The following USF3 variants were observed in gnomAD, a reference collection of about 807,000 sequenced individuals.
The protein encoded by USF3 is upstream transcription factor family member 3, also known as basic helix-loop-helix domain-containing protein USF3.
Under a neutral mutation model 157.5 loss-of-function variants are expected in USF3, and 29 were observed. The ratio of observed to expected loss-of-function variants is 0.18; its 90% confidence interval spans 0.14 to 0.25. USF3 has a LOEUF of 0.25. Ranked by LOEUF, USF3 falls within the 10% of genes least tolerant of loss-of-function variation. The pLI, the probability that USF3 is intolerant of heterozygous loss-of-function variation, is 1.00. For synonymous variants in USF3, 893 were observed against 941.4 expected, an observed-to-expected ratio of 0.95 and a Z score of 0.94; for missense variants, 2,381 against 2,667.6, an observed-to-expected ratio of 0.89 and a Z score of 2.37.
chr3:113,695,845 C>G (rs1159165655), intron 1 of USF3, among the ~76,000 whole-genome samples: 2 of 152,156 alleles, frequency 1.3e-5, no homozygotes, highest in African/African-American at 4.8e-5. Flanking sequence ...ACTCAGAAAG[C>G]AAAAGAACGG....
At chr3:113,677,420 A>G (rs1326639728) in intron 1 of USF3, 23 bp from the exon 2 acceptor site, 1 of 152,122 alleles carries the variant, frequency 6.6e-6, no homozygotes, top group Non-Finnish European at 1.5e-5. Context: ...AAAATCAATG[A>G]ATGTTTATAG....
chr3:113,667,865 A>AAAACAAACAAACAAAC (rs10641398), intron 5 of USF3, among the ~76,000 whole-genome samples: 1 of 150,536 alleles, frequency 6.6e-6, no homozygotes, highest in South Asian at 2.1e-4. Context: ...AGACTGTCTC[A>AAAACAAACAAACAAAC]AAACAAACAA....
rs1378387352 is a variant in USF3, at chr3:113,657,056, G to A, written c.4626C>T (p.His1542=). The change falls in exon 7 of 7, where the codon CAC becomes CAT. Residue 1542 remains histidine (H), a synonymous_variant. Coordinates refer to ENST00000316407, the MANE Select transcript of USF3 (RefSeq NM_001009899.4). The stretch of plus-strand genomic sequence containing the variant: ...TGGATCGGGATTGGTCAGTTCCATG[G>A]TGCTTTGGTTGTAAGGAAAGCTGAG... The part of the protein sequence containing the change: ...QTSQLSLQPK[H]HGTDQSRSKT... 1 of 1,614,126 alleles carries A rather than the reference G, an allele frequency of 6.2e-7. No individual in the cohort carries two copies. Among genetic ancestry groups the A allele is most frequent in the South Asian group, 1.1e-5 (1 of 91,076 alleles).
In USF3 at chr3:113,656,697, C is replaced by A. The variant is rs759650333; in HGVS notation, c.4985G>T (p.Arg1662Ile). Residue 1662 changes from arginine to isoleucine, a missense_variant, in exon 7 of 7, where the codon AGA (arginine) becomes ATA (isoleucine). Arg to Ile is a moderately conservative substitution (Grantham distance 97). Around this residue, in one of 6 missense-constraint regions of USF3, gnomAD observed 770 missense variants for 824.2 expected, o/e 0.93. Coordinates refer to ENST00000316407, the MANE Select transcript of USF3 (RefSeq NM_001009899.4). ...DMTCTPHRPE[R>I]NRVSSYSAEA... is the part of the protein sequence containing the mutation. ...AGCAGAATAACTTGAAACTCTATTT[C>A]TCTCTGGCCTGTGTGGAGTACAGGT... 6.2e-7 allele frequency: 1 copy of A among 1,614,138 alleles called. No individual in the cohort carries two copies. Among genetic ancestry groups the A allele is most frequent in the South Asian group, 1.1e-5 (1 of 91,088 alleles).
At chr3:113,691,700 C>T (rs1707687991) in intron 1 of USF3, among the ~76,000 whole-genome samples, 1 of 152,186 alleles carries the variant, frequency 6.6e-6, no homozygotes. Context: ...ATTATTCTAT[C>T]TCCCTTTCTT....
At position 113,655,301 on chromosome 3, in the gene USF3, G is replaced by A. The variant is rs1367587956; in HGVS notation, c.6381C>T (p.Ile2127=). The change falls in exon 7 of 7, where the codon ATC becomes ATT. Residue 2127 remains isoleucine, a synonymous_variant. Coordinates refer to ENST00000316407, the MANE Select transcript of USF3 (RefSeq NM_001009899.4). ...AGAACATCTGATTAGGAAAATAGGGGATTGAAATATCATTGGACAGTGTAG... is the reference window on the plus strand; with the variant it reads ...AGAACATCTGATTAGGAAAATAGGGAATTGAAATATCATTGGACAGTGTAG... ...AHPTLSNDIS[I]PYFPNQMFSN... is the part of the protein sequence containing the mutation. The A allele has an allele frequency of 1.2e-6, 2 of 1,614,120 alleles. No individual in the cohort carries two copies. Among genetic ancestry groups the A allele is most frequent in the Admixed American group, 3.3e-5 (2 of 60,020 alleles).
Position 113,655,865 on chromosome 3 carries a change from G to C in USF3, c.5817C>G (p.Val1939=). The C allele has an allele frequency of 6.2e-7, 1 of 1,614,152 alleles. No homozygotes were observed. Among genetic ancestry groups the C allele is most frequent in the Non-Finnish European group, 8.5e-7 (1 of 1,180,022 alleles). ...HATKGHMNPP[V]TTNMHGVARP... ...TTGCAACCCCATGCATGTTGGTTGT[G>C]ACTGGAGGGTTCATGTGGCCCTTGG... The change falls in exon 7 of 7, where the codon GTC becomes GTG. Residue 1939 remains valine (V), a synonymous_variant. Coordinates refer to ENST00000316407, the MANE Select transcript of USF3 (RefSeq NM_001009899.4).
intron 1 of USF3, among the ~76,000 whole-genome samples, chr3:113,681,400 A>G (rs2107952092): frequency 6.6e-6 from 1 of 152,036 alleles, no homozygotes; most frequent in Non-Finnish European, 1.5e-5. Context: ...TTTCCTTCTT[A>G]ATTTGTTCAT....
chr3:113,650,336 A>T lies in USF3; in HGVS notation c.*4608T>A, dbSNP rs80340180. 1 of 156,830 alleles carries T rather than the reference A, an allele frequency of 6.4e-6. No individual in the cohort carries two copies. Among genetic ancestry groups the T allele is most frequent in the African/African-American group, 2.4e-5 (1 of 41,474 alleles). The allele number at this position is 156,830 out of a possible 1,614,324, so 9.7% of individuals were successfully genotyped here. On this transcript the variant is annotated 3_prime_UTR_variant, in exon 7 of 7. Transcript: ENST00000316407. ...TTATTGTTGCTTTTTAAGAGAATAC[A>T]AGGCATACTGGTTCCCAAAGCCAAG... is the stretch of plus-strand genomic sequence containing the variant.
chr3:113,652,888 C>T lies in USF3; in HGVS notation c.*2056G>A. On this transcript the variant is annotated 3_prime_UTR_variant, in exon 7 of 7. Coordinates refer to ENST00000316407, the MANE Select transcript of USF3 (RefSeq NM_001009899.4). ...CAAGAATTTGCTTGAACCCAGGAGG[C>T]AGAGGCTGCAGTGAGCCAAGATCCT... 2.7e-6 allele frequency: 1 copy of T among 368,030 alleles called. No individual in the cohort carries two copies. The highest frequency in any genetic ancestry group is 5.0e-6 in the Non-Finnish European group (1 of 201,252). 22.8% of individuals were successfully genotyped at this position (368,030 alleles called of 1,614,324 possible). A position where few individuals can be genotyped will look rare whatever the true frequency, so the allele number is the denominator to read the frequency against.
At position 113,655,827 on chromosome 3, in the gene USF3, G is replaced by C; in HGVS notation, c.5855C>G (p.Pro1952Arg). ...NMHGVARPAL[P>R]HPSVSHGNGD... ...ATTTCCATGAGACACAGATGGATGT[G>C]GCAACGCTGGCCTTGCAACCCCATG... is the stretch of plus-strand genomic sequence containing the variant. Residue 1952 changes from proline to arginine, a missense_variant, in exon 7 of 7, where the codon CCA (proline) becomes CGA (arginine). Physicochemically the swap from Pro to Arg is moderately radical, Grantham distance 103. Transcript: ENST00000316407. 1.9e-6 allele frequency: 3 copies of C among 1,614,154 alleles called. No individual in the cohort carries two copies. Among genetic ancestry groups the C allele is most frequent in the Non-Finnish European group, 1.7e-6 (2 of 1,180,034 alleles).
rs1485338120 is a variant in USF3 at position 113,653,602 on chromosome 3, A to AT, written c.*1341dup. 5 of 136,398 alleles carry AT rather than the reference A, an allele frequency of 3.7e-5. No homozygotes were observed. The highest frequency in any genetic ancestry group is 7.8e-5 in the Non-Finnish European group (5 of 64,398). 8.4% of individuals were successfully genotyped at this position (136,398 alleles called of 1,614,324 possible). A position where few individuals can be genotyped will look rare whatever the true frequency, so the allele number is the denominator to read the frequency against. On this transcript the variant is annotated 3_prime_UTR_variant, in exon 7 of 7. Transcript: ENST00000316407. ...TGGGCAACAGAGCCAGACTCCATCT[A>AT]TTAAAAAAAAAAAAAAAAAAAAAAC...
At chr3:113,676,742 G>A (rs1707292095) in intron 2 of USF3, among the ~76,000 whole-genome samples, 2 of 152,158 alleles carry the variant, frequency 1.3e-5, no homozygotes, top group Admixed American at 1.3e-4. Flanking sequence ...GAGAGAAAAA[G>A]TAGCAAGTAT....
At chr3:113,661,627 A>C (rs995380816) in intron 6 of USF3, among the ~76,000 whole-genome samples, 1 of 152,192 alleles carries the variant, frequency 6.6e-6, no homozygotes, top group African/African-American at 2.4e-5. Context: ...TCCTTTAAAA[A>C]GTATAAATTT....
rs187208829 is a variant in USF3, at chr3:113,657,495, T to C, written c.4187A>G (p.Asp1396Gly). 2.5e-4 allele frequency: 396 copies of C among 1,614,082 alleles called. 3 individuals are homozygous for C. In the African/African-American group the frequency reaches 4.2e-3, roughly 17 times the overall value. ...VVPVSNPAHGDGLTRLFPPSN... is the reference protein window; with the variant it reads ...VVPVSNPAHGGGLTRLFPPSN... Reference sequence around the variant, plus strand: ...AGGTGGAAATAATCGTGTAAGGCCATCTCCATGAGCTGGGTTGCTAACAGG... The same window carrying C: ...AGGTGGAAATAATCGTGTAAGGCCACCTCCATGAGCTGGGTTGCTAACAGG... The change falls in exon 7 of 7, where the codon GAT (aspartate) becomes GGT (glycine). Residue 1396 changes from aspartate (D) to glycine (G), a missense_variant. Asp to Gly is a moderately conservative substitution (Grantham distance 94, BLOSUM62 -1). This residue lies in a region of USF3 where 1,435 missense variants were observed against 1,550.9 expected (regional missense o/e 0.93). Coordinates refer to ENST00000316407, the MANE Select transcript of USF3 (RefSeq NM_001009899.4).
At chr3:113,689,034 A>AAACAAAC (rs1559726047) in intron 1 of USF3, among the ~76,000 whole-genome samples, 179 of 150,278 alleles carry the variant, frequency 1.2e-3, no homozygotes, top group Non-Finnish European at 1.9e-3. Flanking sequence ...CCATCTCAAA[A>AAACAAAC]AAACAAACAA....
intron 4 of USF3, among the ~76,000 whole-genome samples, chr3:113,672,129 CTCTT>C (rs1436278376): frequency 1.3e-5 from 2 of 150,770 alleles, no homozygotes; most frequent in African/African-American, 2.4e-5. Context: ...GTAAACACAT[CTCTT>C]TCTTTTTTTT....
At position 113,656,838 on chromosome 3, in the gene USF3, C is replaced by T; in HGVS notation, c.4844G>A (p.Gly1615Glu). 1 of 1,614,194 alleles carries T rather than the reference C, an allele frequency of 6.2e-7. No individual in the cohort carries two copies. Among genetic ancestry groups the T allele is most frequent in the Non-Finnish European group, 8.5e-7 (1 of 1,180,032 alleles). ...QDVGSRQQGS[G>E]VSSEHVSGHN... Reference sequence around the variant, plus strand: ...GCCAGATACATGTTCAGATGAAACCCCTGAACCTTGCTGTCTGCTTCCAAC... The same window carrying T: ...GCCAGATACATGTTCAGATGAAACCTCTGAACCTTGCTGTCTGCTTCCAAC... Residue 1615 changes from glycine (G) to glutamate (E), a missense_variant, in exon 7 of 7, where the codon GGG becomes GAG. Transcript: ENST00000316407.
chr3:113,673,484 T>C lies in USF3; in HGVS notation c.48-108A>G, dbSNP rs750090394. On this transcript the variant is annotated intron_variant, in intron 3 of 6. Coordinates refer to ENST00000316407, the MANE Select transcript of USF3 (RefSeq NM_001009899.4). ...AATAAATTTTATGAATTTGTATTTG[T>C]TGCAGCAATAAGAAACAATCTGAAG... 5.2e-5 allele frequency: 36 copies of C among 691,884 alleles called. No homozygotes were observed. In the Middle Eastern group the frequency reaches 1.1e-3, roughly 22 times the overall value. The allele number at this position is 691,884 out of a possible 1,614,324, so 42.9% of individuals were successfully genotyped here.
Sources: gnomAD v4.1 joint callset for allele counts (sites outside exome capture counted in the v4.1 genomes callset) on GRCh38, gnomAD v4.1.1 for gene constraint, gnomAD v4.1.1 regional missense constraint, MANE v1.5 for transcripts, NCBI Gene and HGNC (gene_info 2026-07-23, HGNC 2026-07-21) for gene names.